ROR2: variants seen among roughly 807,000 people sequenced by gnomAD.
ROR2 encodes tyrosine-protein kinase transmembrane receptor ROR2.
Under a neutral mutation model 74.9 loss-of-function variants are expected in ROR2, and 33 were observed. The ratio of observed to expected loss-of-function variants is 0.44; its 90% CI spans 0.33 to 0.59. The LOEUF is 0.59. ROR2 is among the 20% of genes least tolerant of loss of function. ROR2 has a pLI of 0.02. For synonymous variants in ROR2, 586 were observed against 558.7 expected, an observed-to-expected ratio of 1.05 and a Z score of -0.69; for missense variants, 1,216 against 1,313.8, an observed-to-expected ratio of 0.93 and a Z score of 1.15.
intron 1 of ROR2, among the ~76,000 whole-genome samples, chr9:91,844,773 G>A (rs1037947689): frequency 1.3e-5 from 2 of 152,096 alleles, no homozygotes; most frequent in African/African-American, 4.8e-5. Flanking sequence ...ATAAGTTCAC[G>A]GGTCAAAAAG....
intron 1 of ROR2, among the ~76,000 whole-genome samples, chr9:91,792,241 G>A (rs1340370264): frequency 4.0e-5 from 6 of 151,112 alleles, no homozygotes; most frequent in Non-Finnish European, 4.4e-5. Flanking sequence ...AAGATTTGAA[G>A]GGAGATAAAT....
At chr9:91,895,827 G>A (rs1311709840) in intron 1 of ROR2, among the ~76,000 whole-genome samples, 1 of 152,198 alleles carries the variant, frequency 6.6e-6, no homozygotes, top group African/African-American at 2.4e-5. Flanking sequence ...CTGGGCGGCT[G>A]AGCGAGACTC....
At chr9:91,765,062 A>G (rs1194290975) in intron 2 of ROR2, among the ~76,000 whole-genome samples, 3 of 152,190 alleles carry the variant, frequency 2.0e-5, no homozygotes, top group African/African-American at 7.2e-5. Context: ...CTCTTCCTCA[A>G]ATCTGAAGAT....
At chr9:91,780,383 A>AAAG (rs1256008840) in intron 1 of ROR2, among the ~76,000 whole-genome samples, 20 of 114,668 alleles carry the variant, frequency 1.7e-4, no homozygotes, top group African/African-American at 8.1e-4. Flanking sequence ...TCTAAAAAAA[A>AAAG]AATGAAAGAA....
At chr9:91,869,095 T>C (rs1829720619) in intron 1 of ROR2, among the ~76,000 whole-genome samples, 2 of 152,080 alleles carry the variant, frequency 1.3e-5, no homozygotes, top group Non-Finnish European at 2.9e-5. Flanking sequence ...TCTCGCCCTA[T>C]CACCCAGGCT....
At chr9:91,856,525 C>A (rs569520201) in intron 1 of ROR2, among the ~76,000 whole-genome samples, 1 of 152,290 alleles carries the variant, frequency 6.6e-6, no homozygotes, top group Non-Finnish European at 1.5e-5. Flanking sequence ...CCCAACCTGA[C>A]TGGTGTCCTA....
chr9:91,740,037 C>A (rs778940128), intron 4 of ROR2, among the ~76,000 whole-genome samples: 1 of 152,170 alleles, frequency 6.6e-6, no homozygotes, highest in African/African-American at 2.4e-5. Flanking sequence ...GGGATGCCCC[C>A]ACAAGTGTAA....
chr9:91,852,999 C>T (rs548922543), intron 1 of ROR2, among the ~76,000 whole-genome samples: 2 of 152,206 alleles, frequency 1.3e-5, no homozygotes, highest in African/African-American at 4.8e-5. Flanking sequence ...GAAAGGCTGG[C>T]GGAGCGCGAG....
At chr9:91,842,000 T>C (rs1460580522) in intron 1 of ROR2, among the ~76,000 whole-genome samples, 1 of 152,158 alleles carries the variant, frequency 6.6e-6, no homozygotes, top group Non-Finnish European at 1.5e-5. Context: ...GGACCTCTGA[T>C]GGACTCACCC....
At chr9:91,930,959 T>C (rs1386720269) in intron 1 of ROR2, among the ~76,000 whole-genome samples, 2 of 152,216 alleles carry the variant, frequency 1.3e-5, no homozygotes, top group African/African-American at 4.8e-5. Context: ...TGGTACATCA[T>C]TGCCTTTCTT....
At chr9:91,801,073 C>T (rs1305978209) in intron 1 of ROR2, among the ~76,000 whole-genome samples, 1 of 152,100 alleles carries the variant, frequency 6.6e-6, no homozygotes, top group Non-Finnish European at 1.5e-5. Flanking sequence ...TCACCCCCTC[C>T]CACCCCCACT....
chr9:91,724,731 T>C lies in ROR2; in HGVS notation c.1763A>G (p.Glu588Gly). ...DDDRTVKSAL[E>G]PPDFVHLVAQ... The stretch of plus-strand genomic sequence containing the variant: ...CACAAGGTGCACGAAGTCGGGGGGC[T>C]CCAGGGCGGACTTCACCGTGCGGTC... The change falls in exon 9 of 9, where the codon GAG becomes GGG. Residue 588 changes from glutamate (E) to glycine (G), a missense_variant. Physicochemically the swap from Glu to Gly is moderately conservative, Grantham distance 98 (BLOSUM62 -2). Coordinates refer to ENST00000375708, the MANE Select transcript of ROR2 (RefSeq NM_004560.4). 2 of 1,614,090 alleles carry C rather than the reference T, an allele frequency of 1.2e-6. No individual in the cohort carries two copies. Among genetic ancestry groups the C allele is most frequent in the Non-Finnish European group, 1.7e-6 (2 of 1,180,014 alleles).
chr9:91,825,664 G>A (rs1379466704), intron 1 of ROR2, among the ~76,000 whole-genome samples: 2 of 152,176 alleles, frequency 1.3e-5, no homozygotes, highest in African/African-American at 4.8e-5. Flanking sequence ...CAGGACTTTT[G>A]AGTCAGCTCT....
intron 1 of ROR2, among the ~76,000 whole-genome samples, chr9:91,852,211 C>T (rs1399063886): frequency 6.6e-6 from 1 of 152,188 alleles, no homozygotes; most frequent in African/African-American, 2.4e-5. Context: ...CATACTACAT[C>T]TCTGTATTGG....
intron 1 of ROR2, among the ~76,000 whole-genome samples, chr9:91,794,258 TCTC>T (rs1371670242): frequency 2.0e-5 from 3 of 152,240 alleles, no homozygotes; most frequent in Non-Finnish European, 4.4e-5. Context: ...CTAAACCACT[TCTC>T]CTTAGTTATT....
chr9:91,747,027 G>A (rs904760638), intron 4 of ROR2, among the ~76,000 whole-genome samples: 1 of 152,102 alleles, frequency 6.6e-6, no homozygotes, highest in African/African-American at 2.4e-5. Context: ...CTAGAAGCAG[G>A]ACCTGTGTAT....
intron 4 of ROR2, among the ~76,000 whole-genome samples, chr9:91,737,773 T>TA (rs1825086896): frequency 6.6e-6 from 1 of 152,116 alleles, no homozygotes; most frequent in African/African-American, 2.4e-5. Flanking sequence ...CAAACTGTGG[T>TA]ACATCCAGAC....
chr9:91,903,211 C>A lies in ROR2; in HGVS notation c.97+46656G>T, dbSNP rs141921672. On this transcript the variant is annotated intron_variant, in intron 1 of 8. Transcript: ENST00000375708. ...AGTGCATGGAAAATTAAAACTGCCA[C>A]ATCCAGAGAGCAACAGGATTTTTTT... 4.5e-3 allele frequency among the ~76,000 whole-genome samples: 692 copies of A among 152,278 alleles called. 8 individuals carry two copies. Among genetic ancestry groups the A allele is most frequent in the African/African-American group, 0.016 (662 of 41,562 alleles).
intron 1 of ROR2, among the ~76,000 whole-genome samples, chr9:91,882,280 G>A (rs571813193): frequency 1.9e-4 from 29 of 151,908 alleles, no homozygotes; most frequent in Middle Eastern, 3.4e-3. Context: ...GCATGGTGGC[G>A]GGTGCCTGTA....
Sources: gnomAD v4.1 joint callset for allele counts (sites outside exome capture counted in the v4.1 genomes callset) on GRCh38, gnomAD v4.1.1 for gene constraint, MANE v1.5 for transcripts, NCBI Gene and HGNC (gene_info 2026-07-23, HGNC 2026-07-21) for gene names.